Variants in DYSF observed in about 807,000 individuals in gnomAD.
DYSF encodes dysferlin.
DYSF carries 212 observed loss-of-function variants against 274.9 expected under a neutral mutation model. The observed-to-expected ratio is 0.77, with a 90% CI of 0.69 to 0.86. DYSF has a LOEUF of 0.86. Ranked by LOEUF, DYSF falls within the 40% of genes least tolerant of loss-of-function variation. The pLI is 0.00. For synonymous variants in DYSF, 1,091 were observed against 1,078.7 expected, an observed-to-expected ratio of 1.01 and a Z score of -0.22; for missense variants, 2,666 against 2,783.2, an observed-to-expected ratio of 0.96 and a Z score of 0.95.
At position 71,551,068 on chromosome 2, in the gene DYSF, C is replaced by G. The variant is rs1431658505; in HGVS notation, c.1604C>G (p.Thr535Ser). 3.7e-6 allele frequency: 6 copies of G among 1,614,150 alleles called. No homozygotes were observed. Among genetic ancestry groups the G allele is most frequent in the Non-Finnish European group, 5.1e-6 (6 of 1,180,002 alleles). The change falls in exon 18 of 56, where the codon ACT becomes AGT. Residue 535 changes from threonine to serine, a missense_variant. Thr to Ser is a moderately conservative substitution (Grantham distance 58). Around this residue, in one of 3 missense-constraint regions of DYSF, gnomAD observed 794 missense variants for 777.1 expected, o/e 1.02. Transcript: ENST00000410020. The stretch of plus-strand genomic sequence containing the variant: ...GATGACTACCTGGGCTTCCTCCCCA[C>G]TTTTGGGCCCTGCTACATCAACCTC... ...EVDDYLGFLP[T>S]FGPCYINLYG...
chr2:71,601,218 C>G, intron 34 of DYSF: 3 of 599,546 alleles, frequency 5.0e-6, no homozygotes, highest in South Asian at 4.0e-5. Context: ...CCAGCCACTC[C>G]CCTGCTGTAA....
At chr2:71,622,626 T>A (rs1394747716) in intron 41 of DYSF, among the ~76,000 whole-genome samples, 1 of 152,164 alleles carries the variant, frequency 6.6e-6, no homozygotes, top group Non-Finnish European at 1.5e-5. Context: ...TATTTTTTTA[T>A]TGTTTTTGAG....
At position 71,684,346 on chromosome 2, in the gene DYSF, C is replaced by T. The variant is rs187329424; in HGVS notation, c.6321+1669C>T. Reference sequence around the variant, plus strand: ...GCCCCAGGACTTCTGCCTGGTGTCTCCTGCCCAGGGGGCACCCTTCCCAGC... The same window carrying T: ...GCCCCAGGACTTCTGCCTGGTGTCTTCTGCCCAGGGGGCACCCTTCCCAGC... On this transcript the variant is annotated intron_variant, in intron 55 of 55. Coordinates refer to ENST00000410020, the MANE Select transcript of DYSF (RefSeq NM_001130987.2). Among the ~76,000 whole-genome samples, 77 of 152,340 alleles carry T rather than the reference C, an allele frequency of 5.1e-4. 1 individual carries two copies. In the South Asian group the frequency reaches 7.2e-3, roughly 14 times the overall value.
At chr2:71,663,024 CGTGT>C (rs757887151) in intron 45 of DYSF, among the ~76,000 whole-genome samples, 17 of 148,098 alleles carry the variant, frequency 1.1e-4, no homozygotes, top group African/African-American at 2.4e-4. Context: ...TGTATGTTTA[CGTGT>C]GTGTGTGTGT....
chr2:71,500,517 C>G (rs1000035677), intron 3 of DYSF, among the ~76,000 whole-genome samples: 2 of 152,094 alleles, frequency 1.3e-5, no homozygotes, highest in African/African-American at 4.8e-5. Context: ...GCTGCTGTCT[C>G]TTGGGCATCC....
chr2:71,557,996 C>T (rs1374459450), intron 22 of DYSF, among the ~76,000 whole-genome samples: 2 of 151,618 alleles, frequency 1.3e-5, no homozygotes, highest in African/African-American at 2.4e-5. Context: ...TGTGCCCCTA[C>T]ACTCCAGACT....
At chr2:71,583,893 C>T (rs2092977499) in intron 30 of DYSF, among the ~76,000 whole-genome samples, 1 of 152,160 alleles carries the variant, frequency 6.6e-6, no homozygotes, top group Non-Finnish European at 1.5e-5. Context: ...CTGGGGGAGC[C>T]CTGTGGCTCT....
Position 71,660,636 on chromosome 2 carries a change from AG to A in DYSF, c.4989del (p.Glu1663AspfsTer10), listed in dbSNP as rs1156805286. ...DQDNYIPCTL[E>X]PVFGKMFELT... is the part of the protein sequence containing the mutation. ...GATAACTACATCCCCTGCACGCTGG[AG>A]CCCGTATTTGGAAAGTAAATTGGGG... On this transcript the variant is annotated frameshift_variant, in exon 45 of 56. Transcript: ENST00000410020. LOFTEE classifies it high-confidence loss of function. 7 of 1,613,902 alleles carry A rather than the reference AG, an allele frequency of 4.3e-6. No individual in the cohort carries two copies. Among genetic ancestry groups the A allele is most frequent in the African/African-American group, 1.3e-5 (1 of 74,922 alleles).
intron 43 of DYSF, among the ~76,000 whole-genome samples, chr2:71,658,658 A>G (rs868484400): frequency 2.0e-5 from 3 of 152,184 alleles, no homozygotes; most frequent in Admixed American, 6.5e-5. Flanking sequence ...AAAAGCAGAA[A>G]CACCTGATAA....
At chr2:71,580,772 C>T (rs1574141485) in intron 30 of DYSF, among the ~76,000 whole-genome samples, 1 of 152,206 alleles carries the variant, frequency 6.6e-6, no homozygotes, top group Non-Finnish European at 1.5e-5. Flanking sequence ...TTCCTACTGC[C>T]CCTCAGTAGG....
chr2:71,667,302 C>G, intron 47 of DYSF, 74 bp from the exon 48 acceptor site: 4 of 1,606,618 alleles, frequency 2.5e-6, no homozygotes, highest in Non-Finnish European at 3.4e-6. Flanking sequence ...CCCTGCTCAG[C>G]CTGTTCACTG....
At chr2:71,545,540 G>A (rs1336478620) in intron 17 of DYSF, among the ~76,000 whole-genome samples, 2 of 152,198 alleles carry the variant, frequency 1.3e-5, no homozygotes, top group Non-Finnish European at 2.9e-5. Flanking sequence ...TGCACAGGTA[G>A]AGAGATTTGG....
intron 30 of DYSF, 58 bp downstream of exon 30, chr2:71,574,429 T>A: frequency 6.3e-7 from 1 of 1,585,044 alleles, no homozygotes; most frequent in Non-Finnish European, 8.6e-7. Context: ...TTCCCAGGGC[T>A]GTTCGGGCTG....
At position 71,568,350 on chromosome 2, in the gene DYSF, G is replaced by A. The variant is rs2092233405; in HGVS notation, c.2864+12G>A. 2 of 1,613,556 alleles carry A rather than the reference G, an allele frequency of 1.2e-6. No homozygotes were observed. The highest frequency in any genetic ancestry group is 1.7e-6 in the Non-Finnish European group (2 of 1,179,614). On this transcript the variant is annotated intron_variant, in intron 26 of 55. Coordinates refer to ENST00000410020, the MANE Select transcript of DYSF (RefSeq NM_001130987.2). ...TGTCCGGAGAAGACGTGAGTCGTGG[G>A]CAGGGAGGGCTGGGGAGAGCCAGGC...
chr2:71,610,040 G>T (rs1433980594), intron 36 of DYSF, among the ~76,000 whole-genome samples: 1 of 152,192 alleles, frequency 6.6e-6, no homozygotes, highest in Non-Finnish European at 1.5e-5. Flanking sequence ...GGATGTGCAG[G>T]TTGGGCACTG....
intron 26 of DYSF, 125 bp from the exon 27 acceptor site, chr2:71,569,695 C>G: frequency 1.3e-6 from 1 of 793,136 alleles, no homozygotes; most frequent in Admixed American, 2.0e-5. Context: ...CCTCCCCACC[C>G]CCCATGTCTC....
chr2:71,654,434 A>C (rs1327848999), intron 42 of DYSF, among the ~76,000 whole-genome samples: 1 of 152,222 alleles, frequency 6.6e-6, no homozygotes, highest in Non-Finnish European at 1.5e-5. Context: ...ACAAGTGCAC[A>C]AAACACTTGG....
intron 1 of DYSF, among the ~76,000 whole-genome samples, chr2:71,460,268 A>C (rs1185189410): frequency 6.6e-6 from 1 of 152,144 alleles, no homozygotes; most frequent in Admixed American, 6.5e-5. Context: ...TCTATATTCC[A>C]GCCAGAGGGG....
At chr2:71,494,135 C>G (rs2084150758) in intron 3 of DYSF, among the ~76,000 whole-genome samples, 1 of 152,044 alleles carries the variant, frequency 6.6e-6, no homozygotes. Context: ...AGAACCCTCT[C>G]TTCATGGCCT....
Sources: allele counts gnomAD v4.1 joint callset (sites outside exome capture counted in the v4.1 genomes callset), GRCh38; gene constraint gnomAD v4.1.1; regional missense constraint gnomAD v4.1.1; transcripts MANE v1.5; gene names NCBI Gene and HGNC (gene_info 2026-07-23, HGNC 2026-07-21).